The following ERMP1 variants were observed in gnomAD, a reference collection of about 807,000 sequenced individuals.
ERMP1 encodes endoplasmic reticulum metallopeptidase 1.
A neutral mutation model predicts 92.0 loss-of-function variants in ERMP1; 86 were observed. That is an observed-to-expected ratio of 0.93 (90% confidence interval 0.79 to 1.12). The LOEUF is 1.12. ERMP1 is among the 50% of genes most tolerant of loss of function. The probability of loss-of-function intolerance (pLI) is 0.00; values close to 1 mark genes in which losing one functional copy is unlikely to be tolerated. For missense variants in ERMP1, 1,342 were observed against 1,116.3 expected (o/e 1.20, Z -2.88); for synonymous variants, 530 against 412.8 (o/e 1.28, Z -3.44).
chr9:5,795,322 G>C (rs945560102), intron 13 of ERMP1, among the ~76,000 whole-genome samples: 1 of 152,182 alleles, frequency 6.6e-6, no homozygotes, highest in Non-Finnish European at 1.5e-5. Context: ...AGCTTGCCTA[G>C]ATCAGGAACA....
At chr9:5,819,327 C>T (rs959104730) in intron 4 of ERMP1, among the ~76,000 whole-genome samples, 3 of 152,038 alleles carry the variant, frequency 2.0e-5, no homozygotes, top group South Asian at 2.1e-4. Context: ...TTAAAAACTC[C>T]GATAACGGAG....
intron 4 of ERMP1, 59 bp from the exon 5 acceptor site, chr9:5,813,094 A>G (rs1418049314): frequency 7.6e-6 from 12 of 1,576,726 alleles, no homozygotes; most frequent in South Asian, 1.1e-5. Context: ...TTAACATACT[A>G]ATGTTTTTCA....
At chr9:5,789,783 GAGC>G (rs1828097736) in intron 13 of ERMP1, among the ~76,000 whole-genome samples, 1 of 151,790 alleles carries the variant, frequency 6.6e-6, no homozygotes, top group Non-Finnish European at 1.5e-5. Flanking sequence ...TCCTTGGCTT[GAGC>G]AATCCTATTG....
intron 13 of ERMP1, chr9:5,791,111 G>A (rs1828175476): frequency 4.9e-6 from 2 of 404,938 alleles, no homozygotes; most frequent in South Asian, 3.6e-5. Flanking sequence ...AACAGCTGCA[G>A]GAACAGTTGA....
chr9:5,848,324 C>T (rs909811688), intron 6 of ERMP1, among the ~76,000 whole-genome samples: 5 of 152,010 alleles, frequency 3.3e-5, no homozygotes, highest in African/African-American at 1.2e-4. Context: ...TCGGAGTGGC[C>T]ACGAGATGCA....
chr9:5,805,107 T>A lies in ERMP1; in HGVS notation c.1834A>T (p.Arg612Ter). The A allele has an allele frequency of 6.2e-7, 1 of 1,613,770 alleles. No homozygotes were observed. The highest frequency in any genetic ancestry group is 8.5e-7 in the Non-Finnish European group (1 of 1,179,924). The change falls in exon 10 of 15, where the codon AGA (arginine) becomes TGA (stop). Residue 612 changes from arginine (R) to a stop codon, truncating the protein, a stop_gained. Transcript: ENST00000339450. LOFTEE classifies it high-confidence loss of function. ...TCAGGTGGGATTTCAGAACCACTTC[T>A]CCCGAGGATAGGGGTAAACATCTCA... The part of the protein sequence containing the change: ...VFEMFTPILG[R>*]SGSEIPPDVV...
At chr9:5,792,487 TAA>T (rs1296104308) in intron 13 of ERMP1, among the ~76,000 whole-genome samples, 1 of 152,172 alleles carries the variant, frequency 6.6e-6, no homozygotes, top group East Asian at 1.9e-4. Flanking sequence ...TATCTGACAC[TAA>T]AAGTTTTTCA....
At chr9:5,855,957 A>G in intron 6 of ERMP1, 2 of 269,244 alleles carry the variant, frequency 7.4e-6, no homozygotes, top group Non-Finnish European at 1.5e-5. Flanking sequence ...AACTGCTTCG[A>G]TTTATCATCT....
intron 13 of ERMP1, among the ~76,000 whole-genome samples, chr9:5,795,437 G>C (rs773879409): frequency 1.3e-5 from 2 of 152,112 alleles, no homozygotes; most frequent in Admixed American, 6.5e-5. Context: ...ATATTAGGAA[G>C]GAGGAAATAA....
intron 13 of ERMP1, among the ~76,000 whole-genome samples, chr9:5,796,087 T>TTCCA (rs1293781727): frequency 6.6e-6 from 1 of 152,208 alleles, no homozygotes. Flanking sequence ...TGGAGGGATA[T>TTCCA]TCCAACACGG....
chr9:5,794,356 T>C (rs1828327117), intron 13 of ERMP1, among the ~76,000 whole-genome samples: 1 of 152,010 alleles, frequency 6.6e-6, no homozygotes, highest in South Asian at 2.1e-4. Flanking sequence ...ATCAATAATC[T>C]AAGCTTCCAC....
At chr9:5,799,099 G>A (rs1828567492) in intron 11 of ERMP1, 91 bp from the exon 12 acceptor site, 3 of 818,412 alleles carry the variant, frequency 3.7e-6, no homozygotes, top group Non-Finnish European at 6.0e-6. Flanking sequence ...ACAATACCAA[G>A]AAATGATGTG....
At chr9:5,823,372 C>A (rs781669537) in intron 4 of ERMP1, among the ~76,000 whole-genome samples, 6 of 152,258 alleles carry the variant, frequency 3.9e-5, no homozygotes, top group Middle Eastern at 3.4e-3. Flanking sequence ...AAACCTGTTA[C>A]ATACACTACA....
rs1827998193 is a variant in ERMP1 at position 5,787,603 on chromosome 9, A to G, written c.2387-10T>C. 4 of 1,599,604 alleles carry G rather than the reference A, an allele frequency of 2.5e-6. No individual in the cohort carries two copies. The highest frequency in any genetic ancestry group is 2.2e-5 in the South Asian group (2 of 88,990). ...GACATATGGCTTGGTCCTGTAAGGT[A>G]AAAGGAAGAAAGAACAGTTAATCTT... On this transcript the variant is annotated splice_polypyrimidine_tract_variant and intron_variant, in intron 13 of 14. Transcript: ENST00000339450.
At chr9:5,812,487 G>C (rs1437289451) in intron 5 of ERMP1, among the ~76,000 whole-genome samples, 1 of 152,166 alleles carries the variant, frequency 6.6e-6, no homozygotes, top group East Asian at 1.9e-4. Context: ...GGAATATTGA[G>C]TTTGGGAGGT....
At chr9:5,820,470 C>A (rs1353767156) in intron 4 of ERMP1, among the ~76,000 whole-genome samples, 1 of 152,144 alleles carries the variant, frequency 6.6e-6, no homozygotes, top group Non-Finnish European at 1.5e-5. Context: ...ATTACAGGGG[C>A]ATGAATATTT....
At chr9:5,861,717 G>GTTTTTT (rs34804675) in intron 5 of ERMP1, among the ~76,000 whole-genome samples, 29 of 66,208 alleles carry the variant, frequency 4.4e-4, no homozygotes, top group South Asian at 8.1e-4. Flanking sequence ...GAGAGGAAGG[G>GTTTTTT]TTTTTTTTTT....
In ERMP1 at chr9:5,788,814, T is replaced by G. The variant is rs138303119; in HGVS notation, c.2387-1221A>C. ...TTAAAACCCCACCATGAATCAGAAATTCTTACTAGAAGGAAGAATTAAAAG... is the reference window on the plus strand; with the variant it reads ...TTAAAACCCCACCATGAATCAGAAAGTCTTACTAGAAGGAAGAATTAAAAG... On this transcript the variant is annotated intron_variant, in intron 13 of 14. Transcript: ENST00000339450. Among the ~76,000 whole-genome samples the G allele has an allele frequency of 8.1e-4, 123 of 152,094 alleles. 1 individual carries two copies. The highest frequency in any genetic ancestry group is 2.5e-4 in the Non-Finnish European group (17 of 67,994).
intron 2 of ERMP1, 72 bp downstream of exon 2, chr9:5,830,655 G>C: frequency 7.8e-7 from 1 of 1,283,204 alleles, no homozygotes; most frequent in Non-Finnish European, 1.1e-6. Context: ...AATTGCCCAA[G>C]TAGCTTGGGG....
Sources: allele counts gnomAD v4.1 joint callset (sites outside exome capture counted in the v4.1 genomes callset), GRCh38; gene constraint gnomAD v4.1.1; transcripts MANE v1.5; gene names NCBI Gene and HGNC (gene_info 2026-07-23, HGNC 2026-07-21).